BFAR: variants seen among roughly 807,000 people sequenced by gnomAD.
BFAR encodes the protein RING finger protein 47.
In BFAR, 52 loss-of-function variants were observed where a neutral mutation model predicts 54.4. The observed-to-expected ratio is 0.96, with a 90% CI of 0.77 to 1.21. The LOEUF (loss-of-function observed/expected upper bound fraction) is 1.21, where lower values mean the gene tolerates loss of function less well. Ranked by LOEUF, BFAR falls within the 50% of genes most tolerant of loss-of-function variation. BFAR has a pLI of 0.00. For synonymous variants in BFAR, 215 were observed against 204.3 expected (o/e 1.05, Z -0.45); for missense variants, 571 against 534.0 (o/e 1.07, Z -0.68).
chr16:14,635,877 G>A (rs867090995), intron 1 of BFAR, among the ~76,000 whole-genome samples: 9 of 151,732 alleles, frequency 5.9e-5, no homozygotes, highest in Admixed American at 3.3e-4. Context: ...TGATCCACCC[G>A]CCTCGGCCTC....
rs754781894 is a variant in BFAR at position 14,667,658 on chromosome 16, G to A, written c.1184G>A (p.Ser395Asn). Residue 395 changes from serine (S) to asparagine (N), a missense_variant, in exon 8 of 8, where the codon AGC (serine) becomes AAC (asparagine). By Grantham distance (46) the Ser-to-Asn change is conservative. Transcript: ENST00000261658. Reference protein sequence around the residue: ...ELKTVPQRMWSHFWKVSTQGL... With the variant: ...ELKTVPQRMWNHFWKVSTQGL... Reference sequence around the variant, plus strand: ...AGGACCGTGCCTCAGAGGATGTGGAGCCATTTCTGGAAAGTATCAACGCAG... The same window carrying A: ...AGGACCGTGCCTCAGAGGATGTGGAACCATTTCTGGAAAGTATCAACGCAG... 6.2e-7 allele frequency: 1 copy of A among 1,614,118 alleles called. No homozygotes were observed. The highest frequency in any genetic ancestry group is 1.1e-5 in the South Asian group (1 of 91,084).
intron 1 of BFAR, among the ~76,000 whole-genome samples, chr16:14,643,118 G>T (rs753620843): frequency 6.6e-6 from 1 of 152,168 alleles, no homozygotes; most frequent in Non-Finnish European, 1.5e-5. Flanking sequence ...TTCAAGACCA[G>T]CCTGGCCAAC....
rs976349615 is a variant in BFAR at position 14,645,546 on chromosome 16, C to G, written c.263+937C>G. 2.0e-5 allele frequency among the ~76,000 whole-genome samples: 3 copies of G among 152,208 alleles called. No individual in the cohort carries two copies. The East Asian group carries it at 5.8e-4, about 29-fold the overall frequency. On this transcript the variant is annotated intron_variant, in intron 2 of 7. Coordinates refer to ENST00000261658, the MANE Select transcript of BFAR (RefSeq NM_016561.3). ...GGCTCTGAGGCTTAAATCCTCTTCC[C>G]CTCTTCTATTGTCTAACAATGTGTG...
intron 4 of BFAR, among the ~76,000 whole-genome samples, chr16:14,651,556 A>G (rs531605638): frequency 6.3e-4 from 96 of 152,130 alleles, no homozygotes; most frequent in Middle Eastern, 3.4e-3. Context: ...ACCTCAACTC[A>G]ACTGCAATCT....
chr16:14,659,224 G>GTT (rs759464553), intron 5 of BFAR, among the ~76,000 whole-genome samples: 7 of 139,590 alleles, frequency 5.0e-5, no homozygotes, highest in African/African-American at 1.8e-4. Flanking sequence ...TATGCAATTT[G>GTT]GTTTTTTTTG....
In BFAR at chr16:14,668,172, A is replaced by T. The variant is rs764304782; in HGVS notation, c.*345A>T. On this transcript the variant is annotated 3_prime_UTR_variant, in exon 8 of 8. Transcript: ENST00000261658. The stretch of plus-strand genomic sequence containing the variant: ...GTGGGTGACATCAGAAGGGTGCCAC[A>T]TCAGTCCCCTCCCCAACCTCAGTGA... The T allele has an allele frequency of 3.7e-6, 1 of 273,298 alleles. No individual in the cohort carries two copies. Among genetic ancestry groups the T allele is most frequent in the Non-Finnish European group, 6.9e-6 (1 of 144,444 alleles). The allele number at this position is 273,298 out of a possible 1,614,324, so 16.9% of individuals were successfully genotyped here.
intron 1 of BFAR, among the ~76,000 whole-genome samples, chr16:14,637,523 T>C (rs1223446510): frequency 6.6e-6 from 1 of 152,180 alleles, no homozygotes; most frequent in Non-Finnish European, 1.5e-5. Flanking sequence ...TCCTTAATAT[T>C]ATAAGGCCTC....
chr16:14,646,206 A>G (rs2151838020), intron 2 of BFAR, among the ~76,000 whole-genome samples: 1 of 152,224 alleles, frequency 6.6e-6, no homozygotes, highest in South Asian at 2.1e-4. Flanking sequence ...GGCAACTGCC[A>G]CCACGCCCGG....
intron 1 of BFAR, among the ~76,000 whole-genome samples, chr16:14,634,167 G>T (rs968339212): frequency 2.0e-5 from 3 of 152,142 alleles, no homozygotes; most frequent in Admixed American, 2.0e-4. Context: ...GGGTGGTCTT[G>T]ATGTCATGCT....
At chr16:14,641,136 A>G (rs540167500) in intron 1 of BFAR, among the ~76,000 whole-genome samples, 1 of 152,344 alleles carries the variant, frequency 6.6e-6, no homozygotes, top group African/African-American at 2.4e-5. Flanking sequence ...CCTTTTGGCT[A>G]AGATCAACTA....
chr16:14,657,008 CAGG>C (rs1268873929), intron 5 of BFAR, among the ~76,000 whole-genome samples: 1 of 151,602 alleles, frequency 6.6e-6, no homozygotes, highest in Non-Finnish European at 1.5e-5. Flanking sequence ...GAGGCTACGG[CAGG>C]AGAATTGCTT....
chr16:14,664,102 G>T (rs1960368867), intron 6 of BFAR, among the ~76,000 whole-genome samples: 1 of 152,034 alleles, frequency 6.6e-6, no homozygotes, highest in Non-Finnish European at 1.5e-5. Context: ...AATTAGCCGG[G>T]CGTGGTGGTA....
rs145790811 is a variant in BFAR, at chr16:14,664,886, G to C, written c.975G>C (p.Thr325=). The change falls in exon 7 of 8, where the codon ACG becomes ACC. Residue 325 remains threonine (T), a synonymous_variant. Transcript: ENST00000261658. ...VTKLLDLKEP[T]WKQWREFLVK... Reference sequence around the variant, plus strand: ...TTTTTAAGGATCTTAAGGAGCCTACGTGGAAGCAGTGGAGAGAGTTCCTGG... The same window carrying C: ...TTTTTAAGGATCTTAAGGAGCCTACCTGGAAGCAGTGGAGAGAGTTCCTGG... The C allele has an allele frequency of 2.5e-6, 4 of 1,613,872 alleles. No individual in the cohort carries two copies. The highest frequency in any genetic ancestry group is 3.4e-6 in the Non-Finnish European group (4 of 1,179,792).
intron 3 of BFAR, 33 bp from the exon 4 acceptor site, chr16:14,649,771 C>A: frequency 6.5e-7 from 1 of 1,549,256 alleles, no homozygotes; most frequent in Non-Finnish European, 8.8e-7. Context: ...CTCTGCCTCT[C>A]CATGGTTTAA....
chr16:14,649,798 C>T lies in BFAR; in HGVS notation c.469-6C>T. ...ATGGTTTAAAGTCCCTGTCACTTTT[C>T]CCCAGGTGGTCCTGCTCGTCTATCA... On this transcript the variant is annotated splice_region_variant and splice_polypyrimidine_tract_variant and intron_variant, in intron 3 of 7. Transcript: ENST00000261658. 1 of 1,587,312 alleles carries T rather than the reference C, an allele frequency of 6.3e-7. No individual in the cohort carries two copies. The highest frequency in any genetic ancestry group is 1.1e-5 in the South Asian group (1 of 87,928).
chr16:14,638,292 A>C (rs576089285), intron 1 of BFAR, among the ~76,000 whole-genome samples: 1 of 152,302 alleles, frequency 6.6e-6, no homozygotes, highest in African/African-American at 2.4e-5. Flanking sequence ...CTGAGGTGGG[A>C]GGATCACTGG....
chr16:14,649,408 G>A (rs182770802), intron 3 of BFAR, among the ~76,000 whole-genome samples: 82 of 152,260 alleles, frequency 5.4e-4, no homozygotes, highest in African/African-American at 1.9e-3. Flanking sequence ...GAACCCACCA[G>A]TTTACTAACT....
chr16:14,635,949 TG>T (rs1170114747), intron 1 of BFAR, among the ~76,000 whole-genome samples: 4 of 152,172 alleles, frequency 2.6e-5, no homozygotes, highest in Non-Finnish European at 4.4e-5. Context: ...CTTATGTTAA[TG>T]GGAGAGCCGG....
intron 2 of BFAR, 59 bp downstream of exon 2, chr16:14,644,668 C>CTTTTTT: frequency 7.5e-7 from 1 of 1,331,054 alleles, no homozygotes; most frequent in Non-Finnish European, 1.0e-6. Context: ...TTCTCTCTTG[C>CTTTTTT]TTTTTTTTTT....
Sources: gnomAD v4.1 joint callset for allele counts (sites outside exome capture counted in the v4.1 genomes callset) on GRCh38, gnomAD v4.1.1 for gene constraint, MANE v1.5 for transcripts, NCBI Gene and HGNC (gene_info 2026-07-23, HGNC 2026-07-21) for gene names.